The following SNX30 variants were observed in gnomAD, a reference collection of about 807,000 sequenced individuals.
SNX30 encodes the protein sorting nexin family member 30, also known as sorting nexin-30.
In SNX30, 24 loss-of-function variants were observed where a neutral mutation model predicts 46.4. The ratio of observed to expected loss-of-function variants is 0.52; its 90% CI spans 0.37 to 0.73. The LOEUF (loss-of-function observed/expected upper bound fraction) is 0.73, where lower values mean the gene tolerates loss of function less well. Among genes scored for constraint, SNX30 ranks in the 30% least tolerant of loss-of-function variants. SNX30 has a pLI of 0.00. For missense variants in SNX30, 533 were observed against 555.7 expected (o/e 0.96, Z 0.41); for synonymous variants, 189 against 211.5 (o/e 0.89, Z 0.92).
downstream of SNX30, among the ~76,000 whole-genome samples, chr9:112,882,434 A>G (rs1229564873): frequency 6.6e-6 from 1 of 152,136 alleles, no homozygotes; most frequent in Non-Finnish European, 1.5e-5. Flanking sequence ...CCTAAGAGCA[A>G]TGAAAGCCAA....
intron 1 of SNX30, among the ~76,000 whole-genome samples, chr9:112,765,375 G>A (rs544832214): frequency 6.6e-6 from 1 of 152,264 alleles, no homozygotes; most frequent in African/African-American, 2.4e-5. Context: ...ATAATGCAAT[G>A]GTCACTGCTA....
At chr9:112,807,116 G>A (rs1840240630) in intron 2 of SNX30, among the ~76,000 whole-genome samples, 1 of 125,680 alleles carries the variant, frequency 8.0e-6, no homozygotes, top group African/African-American at 3.0e-5. Flanking sequence ...CCAGGATGGA[G>A]TGTAGTGGCG....
At chr9:112,808,856 C>T (rs1360916395) in intron 2 of SNX30, among the ~76,000 whole-genome samples, 2 of 152,118 alleles carry the variant, frequency 1.3e-5, no homozygotes, top group Non-Finnish European at 2.9e-5. Flanking sequence ...TGGATGTGCC[C>T]TCATTTATTT....
At chr9:112,834,883 C>CACAA (rs1840727674) in intron 4 of SNX30, among the ~76,000 whole-genome samples, 1 of 66,342 alleles carries the variant, frequency 1.5e-5, no homozygotes, top group African/African-American at 7.5e-5. Flanking sequence ...CACACACACA[C>CACAA]CTACCTCAAT....
rs191814956 is a variant in SNX30 at position 112,831,433 on chromosome 9, G to T, written c.618+550G>T. On this transcript the variant is annotated intron_variant, in intron 4 of 8. Coordinates refer to ENST00000374232, the MANE Select transcript of SNX30 (RefSeq NM_001012994.2). ...TAAACACTTGGCAGTATTACTGGGT[G>T]AGGCCAGTCTGACCAACAATGGGCA... is the stretch of plus-strand genomic sequence containing the variant. 2.5e-3 allele frequency among the ~76,000 whole-genome samples: 377 copies of T among 152,330 alleles called. 2 individuals are homozygous for T. Among genetic ancestry groups the T allele is most frequent in the Non-Finnish European group, 3.2e-3 (221 of 68,030 alleles).
rs1312278236 is a variant in SNX30, at chr9:112,874,564, G to T, written c.*5721G>T. On this transcript the variant is annotated 3_prime_UTR_variant, in exon 9 of 9. Coordinates refer to ENST00000374232, the MANE Select transcript of SNX30 (RefSeq NM_001012994.2). ...TTCTGAGGTATTGATGTAGTCCACC[G>T]TGTAAATGTTACCTTCTCTCCATGC... The T allele has an allele frequency of 2.0e-5, 3 of 152,284 alleles. No homozygotes were observed. The highest frequency in any genetic ancestry group is 2.1e-4 in the South Asian group (1 of 4,818). 9.4% of individuals were successfully genotyped at this position (152,284 alleles called of 1,614,324 possible). A position where few individuals can be genotyped will look rare whatever the true frequency, so the allele number is the denominator to read the frequency against.
At chr9:112,769,688 T>G (rs943011992) in intron 1 of SNX30, among the ~76,000 whole-genome samples, 2 of 152,212 alleles carry the variant, frequency 1.3e-5, no homozygotes, top group Admixed American at 1.3e-4. Context: ...CATTCTGATA[T>G]GGCCTCTCTT....
rs577633861 is a variant in SNX30, at chr9:112,759,939, G to A, written c.156+8782G>A. On this transcript the variant is annotated intron_variant, in intron 1 of 8. Transcript: ENST00000374232. ...TAGAGTAGTGGGTGATGTATATAGCGAACCTTTAAGAAATGGGAGGTGTTG... is the reference window on the plus strand; with the variant it reads ...TAGAGTAGTGGGTGATGTATATAGCAAACCTTTAAGAAATGGGAGGTGTTG... Among the ~76,000 whole-genome samples, 32 of 152,216 alleles carry A rather than the reference G, an allele frequency of 2.1e-4. 2 individuals are homozygous for A. The South Asian group carries it at 5.2e-3, about 25-fold the overall frequency.
chr9:112,750,177 T>C (rs1248995418), upstream of SNX30, among the ~76,000 whole-genome samples: 1 of 152,198 alleles, frequency 6.6e-6, no homozygotes, highest in African/African-American at 2.4e-5. Flanking sequence ...GGTTTGACTT[T>C]ACACAAATCC....
intron 1 of SNX30, among the ~76,000 whole-genome samples, chr9:112,797,872 T>TG (rs1840136174): frequency 2.8e-5 from 2 of 71,634 alleles, no homozygotes. Context: ...CTAATATTGG[T>TG]ATTTTTTTTT....
chr9:112,847,953 A>G (rs936336864), intron 6 of SNX30, among the ~76,000 whole-genome samples: 1 of 152,094 alleles, frequency 6.6e-6, no homozygotes, highest in Non-Finnish European at 1.5e-5. Context: ...CCTCTCCTCT[A>G]GAATGTAAGC....
At chr9:112,785,972 C>G (rs1382741993) in intron 1 of SNX30, among the ~76,000 whole-genome samples, 1 of 152,124 alleles carries the variant, frequency 6.6e-6, no homozygotes, top group Non-Finnish European at 1.5e-5. Flanking sequence ...TTTTCTGTAT[C>G]ATATGTGAAG....
chr9:112,782,593 A>G (rs774588441), intron 1 of SNX30, among the ~76,000 whole-genome samples: 1 of 152,226 alleles, frequency 6.6e-6, no homozygotes, highest in Non-Finnish European at 1.5e-5. Context: ...TAGAGAAACT[A>G]TTTTCTAAAT....
chr9:112,836,023 A>G (rs1362450862), intron 4 of SNX30, among the ~76,000 whole-genome samples, 191 bp from the exon 5 acceptor site: 1 of 152,238 alleles, frequency 6.6e-6, no homozygotes, highest in Admixed American at 6.5e-5. Context: ...GTCAACCTAC[A>G]GGAGCCTGAG....
chr9:112,813,469 A>AT (rs34581439), intron 2 of SNX30, among the ~76,000 whole-genome samples: 5,624 of 132,278 alleles, frequency 0.043, 506 homozygotes, highest in African/African-American at 0.15. Flanking sequence ...ACTGTATTTA[A>AT]TTTTTTTTTT....
intron 7 of SNX30, among the ~76,000 whole-genome samples, chr9:112,854,074 T>A (rs1841079157): frequency 6.6e-6 from 1 of 152,226 alleles, no homozygotes; most frequent in Non-Finnish European, 1.5e-5. Context: ...ATACGAGCTT[T>A]CTCAGAGGCT....
At chr9:112,777,571 T>G (rs1357608156) in intron 1 of SNX30, among the ~76,000 whole-genome samples, 1 of 150,066 alleles carries the variant, frequency 6.7e-6, no homozygotes, top group Non-Finnish European at 1.5e-5. Context: ...GGACTACAGG[T>G]GCATACCACC....
At chr9:112,854,150 G>T (rs1841081182) in intron 7 of SNX30, among the ~76,000 whole-genome samples, 1 of 152,216 alleles carries the variant, frequency 6.6e-6, no homozygotes, top group Non-Finnish European at 1.5e-5. Context: ...AGGAGCTGAA[G>T]GTTCGGAATA....
intron 1 of SNX30, among the ~76,000 whole-genome samples, chr9:112,785,020 G>A (rs1015419873): frequency 6.6e-6 from 1 of 152,142 alleles, no homozygotes; most frequent in Non-Finnish European, 1.5e-5. Context: ...ACGTGGTTTG[G>A]GGGAGTATAG....
Sources: gnomAD v4.1 joint callset for allele counts (sites outside exome capture counted in the v4.1 genomes callset) on GRCh38, gnomAD v4.1.1 for gene constraint, MANE v1.5 for transcripts, NCBI Gene and HGNC (gene_info 2026-07-23, HGNC 2026-07-21) for gene names.